The following SLC35F3 variants were observed in gnomAD, a reference collection of about 807,000 sequenced individuals.
The protein encoded by SLC35F3 is putative thiamine transporter SLC35F3.
A neutral mutation model predicts 49.9 loss-of-function variants in SLC35F3; 25 were observed. The observed-to-expected ratio is 0.50, with a 90% CI of 0.37 to 0.70. SLC35F3 has a LOEUF of 0.70. Among genes scored for constraint, SLC35F3 ranks in the 30% least tolerant of loss-of-function variants. The probability of loss-of-function intolerance (pLI) is 0.00; values close to 1 mark genes in which losing one functional copy is unlikely to be tolerated. For missense variants in SLC35F3, 525 were observed against 639.8 expected (o/e 0.82, Z 1.94); for synonymous variants, 275 against 265.4 (o/e 1.04, Z -0.35).
chr1:234,303,689 T>C (rs776558616), intron 3 of SLC35F3, among the ~76,000 whole-genome samples: 2 of 152,258 alleles, frequency 1.3e-5, no homozygotes, highest in Non-Finnish European at 2.9e-5. Context: ...AGCTTCCATT[T>C]TGGTTGTGGT....
chr1:234,280,511 C>A lies in SLC35F3; in HGVS notation c.609-28590C>A, dbSNP rs200912186. On this transcript the variant is annotated intron_variant, in intron 3 of 7. Coordinates refer to ENST00000366618, the MANE Select transcript of SLC35F3 (RefSeq NM_173508.4). The stretch of plus-strand genomic sequence containing the variant: ...CCCAAGTGACCAGGAAGTCTCAGCA[C>A]AATATTGAGCTTGACAGCCTTCAGA... Among the ~76,000 whole-genome samples the A allele has an allele frequency of 7.2e-5, 11 of 152,292 alleles. No individual in the cohort carries two copies. The East Asian group carries it at 2.1e-3, about 29-fold the overall frequency.
intron 2 of SLC35F3, among the ~76,000 whole-genome samples, chr1:234,066,946 T>G (rs1664631132): frequency 6.6e-6 from 1 of 152,038 alleles, no homozygotes; most frequent in African/African-American, 2.4e-5. Context: ...AGGGAATACA[T>G]AATTCCATGA....
At chr1:234,175,535 TGCCTTTAGTCCCA>T (rs942067217) in intron 2 of SLC35F3, among the ~76,000 whole-genome samples, 1 of 152,018 alleles carries the variant, frequency 6.6e-6, no homozygotes, top group Non-Finnish European at 1.5e-5. Context: ...CCACGGCTCA[TGCCTTTAGTCCCA>T]GCTATGTGGG....
At chr1:234,276,986 G>C (rs1423408928) in intron 3 of SLC35F3, among the ~76,000 whole-genome samples, 1 of 152,162 alleles carries the variant, frequency 6.6e-6, no homozygotes, top group African/African-American at 2.4e-5. Context: ...GGAGTTTGGG[G>C]GTGTTCCTCT....
intron 3 of SLC35F3, among the ~76,000 whole-genome samples, chr1:234,268,226 G>C (rs1668032417): frequency 6.6e-6 from 1 of 152,190 alleles, no homozygotes; most frequent in Admixed American, 6.5e-5. Flanking sequence ...GCCGAGGCTG[G>C]CGGATCACTC....
At chr1:234,193,206 A>G (rs1278453002) in intron 2 of SLC35F3, among the ~76,000 whole-genome samples, 1 of 152,220 alleles carries the variant, frequency 6.6e-6, no homozygotes, top group Non-Finnish European at 1.5e-5. Context: ...CTATAAGGCC[A>G]TAGTCACTAA....
chr1:234,248,771 G>A (rs1251607816), intron 3 of SLC35F3, among the ~76,000 whole-genome samples: 2 of 152,226 alleles, frequency 1.3e-5, no homozygotes, highest in Admixed American at 6.5e-5. Context: ...GAAGCACCAT[G>A]TCACAGCCCA....
chr1:233,999,610 C>T (rs1344068411), intron 2 of SLC35F3, among the ~76,000 whole-genome samples: 2 of 152,078 alleles, frequency 1.3e-5, no homozygotes, highest in Non-Finnish European at 2.9e-5. Flanking sequence ...TCTTCAGTGC[C>T]TCCACTTATC....
intron 2 of SLC35F3, among the ~76,000 whole-genome samples, chr1:234,098,547 G>GA (rs1267439741): frequency 9.4e-5 from 14 of 149,650 alleles, no homozygotes; most frequent in South Asian, 2.1e-4. Context: ...TGATGGTGGT[G>GA]GTGATTATTG....
intron 3 of SLC35F3, among the ~76,000 whole-genome samples, chr1:234,269,767 G>A (rs528081923): frequency 6.1e-4 from 93 of 152,258 alleles, no homozygotes; most frequent in African/African-American, 2.0e-3. Context: ...TGGGATGTGT[G>A]TGTTCTCACC....
chr1:234,038,381 G>A (rs1394631626), intron 2 of SLC35F3, among the ~76,000 whole-genome samples: 1 of 150,418 alleles, frequency 6.6e-6, no homozygotes, highest in Non-Finnish European at 1.5e-5. Context: ...CATTTGAGTT[G>A]GTTCCAAGTC....
In SLC35F3 at chr1:234,320,299, TAC is replaced by T. The variant is rs1328699973; in HGVS notation, c.1237+119_1237+120del. On this transcript the variant is annotated intron_variant, in intron 7 of 7. Transcript: ENST00000366618. This position sits in a 1 kb window ranked among gnomAD's most constrained non-coding sequence, Gnocchi z 4.8. ...ATACACACTCACACATACACTCACATACACACACTCATGCATACACACACACA... is the reference window on the plus strand; with the variant it reads ...ATACACACTCACACATACACTCACATACACACTCATGCATACACACACACA... The T allele has an allele frequency of 4.0e-6, 3 of 741,822 alleles. No individual in the cohort carries two copies. Among genetic ancestry groups the T allele is most frequent in the Non-Finnish European group, 7.3e-6 (3 of 413,372 alleles). 46.0% of individuals were successfully genotyped at this position (741,822 alleles called of 1,614,324 possible).
At chr1:233,942,728 A>G (rs2102800011) in intron 2 of SLC35F3, among the ~76,000 whole-genome samples, 1 of 152,298 alleles carries the variant, frequency 6.6e-6, no homozygotes. Context: ...CTACCCTTTT[A>G]ACAAATGTTT....
chr1:234,114,535 A>G (rs10797527), intron 2 of SLC35F3, among the ~76,000 whole-genome samples: 55,149 of 152,076 alleles, frequency 0.36, 11,375 homozygotes, highest in East Asian at 0.82. Context: ...GGATTTGTGA[A>G]TCAAGACTAA....
chr1:234,012,382 G>A (rs1197115714), intron 2 of SLC35F3, among the ~76,000 whole-genome samples: 27 of 152,206 alleles, frequency 1.8e-4, no homozygotes, highest in Admixed American at 1.8e-3. Context: ...CCTCAGCACA[G>A]ACCCTGTATG....
At chr1:233,955,878 C>CTTTTT (rs869035917) in intron 2 of SLC35F3, among the ~76,000 whole-genome samples, 4 of 48,130 alleles carry the variant, frequency 8.3e-5, no homozygotes, top group African/African-American at 2.0e-4. Context: ...GTGTGGGTAT[C>CTTTTT]TTTTTTTTTT....
chr1:233,985,293 A>C (rs1332153530), intron 2 of SLC35F3, among the ~76,000 whole-genome samples: 1 of 152,232 alleles, frequency 6.6e-6, no homozygotes, highest in Admixed American at 6.5e-5. Flanking sequence ...AAAGAGAAAA[A>C]TTGAACAGAG....
intron 2 of SLC35F3, among the ~76,000 whole-genome samples, chr1:234,008,012 A>G (rs1663657686): frequency 6.6e-6 from 1 of 152,228 alleles, no homozygotes; most frequent in Admixed American, 6.5e-5. Context: ...ATTAAAAATG[A>G]TTAAGATTTA....
rs1358710200 is a variant in SLC35F3, at chr1:234,320,329, CAT to C, written c.1237+144_1237+145del. ...ACACTCATGCATACACACACACACA[CAT>C]ACTCTCACATACATACTCACATATA... On this transcript the variant is annotated intron_variant, in intron 7 of 7. Transcript: ENST00000366618. This position sits in a 1 kb window ranked among gnomAD's most constrained non-coding sequence, Gnocchi z 4.8. The C allele has an allele frequency of 8.1e-6, 5 of 614,680 alleles. No individual in the cohort carries two copies. The highest frequency in any genetic ancestry group is 7.3e-5 in the African/African-American group (4 of 55,024). The allele number at this position is 614,680 out of a possible 1,614,324, so 38.1% of individuals were successfully genotyped here. A position where few individuals can be genotyped will look rare whatever the true frequency, so the allele number is the denominator to read the frequency against.
Sources: allele counts gnomAD v4.1 joint callset (sites outside exome capture counted in the v4.1 genomes callset), GRCh38; gene constraint gnomAD v4.1.1; non-coding constraint Gnocchi (gnomAD v3.1); transcripts MANE v1.5; gene names NCBI Gene and HGNC (gene_info 2026-07-23, HGNC 2026-07-21).